The following VPS50 variants were observed in gnomAD, a reference collection of about 807,000 sequenced individuals.
The protein encoded by VPS50 is syndetin.
In VPS50, 70 loss-of-function variants were observed where a neutral mutation model predicts 139.7. The ratio of observed to expected loss-of-function variants is 0.50; its 90% confidence interval spans 0.41 to 0.61. The LOEUF is 0.61. Among genes scored for constraint, VPS50 ranks in the 20% least tolerant of loss-of-function variants. The probability of loss-of-function intolerance (pLI) is 0.00; values close to 1 mark genes in which losing one functional copy is unlikely to be tolerated. For synonymous variants in VPS50, 365 were observed against 376.7 expected (o/e 0.97, Z 0.36); for missense variants, 921 against 1,133.7 (o/e 0.81, Z 2.69).
chr7:93,249,977 C>G (rs1391886512), intron 2 of VPS50, among the ~76,000 whole-genome samples: 2 of 151,964 alleles, frequency 1.3e-5, no homozygotes, highest in Admixed American at 1.3e-4. Flanking sequence ...TAGATAAACC[C>G]CTTCAGGAAT....
intron 23 of VPS50, among the ~76,000 whole-genome samples, chr7:93,343,341 C>G (rs1241815869): frequency 2.0e-5 from 3 of 152,196 alleles, no homozygotes; most frequent in Admixed American, 6.5e-5. Flanking sequence ...TGTGAAAAGA[C>G]CAAATCTACG....
Position 93,334,006 on chromosome 7 carries a change from C to T in VPS50, c.1978-111C>T, listed in dbSNP as rs112417071. ...TTTGTAAATGCAATTTGGAAACCCT[C>T]TGAAGGCTAAGTATCTGAGTGAAAA... is the stretch of plus-strand genomic sequence containing the variant. On this transcript the variant is annotated intron_variant, in intron 21 of 27. Transcript: ENST00000305866. 39 of 719,578 alleles carry T rather than the reference C, an allele frequency of 5.4e-5. 1 individual carries two copies. The African/African-American group carries it at 6.3e-4, about 12-fold the overall frequency. The allele number at this position is 719,578 out of a possible 1,614,324, so 44.6% of individuals were successfully genotyped here.
rs1324057496 is a variant in VPS50 at position 93,291,754 on chromosome 7, C to G, written c.994C>G (p.Leu332Val). The change falls in exon 13 of 28, where the codon CTA becomes GTA. Residue 332 changes from leucine to valine, a missense_variant. By Grantham distance (32) the Leu-to-Val change is conservative. Around this residue, in one of 3 missense-constraint regions of VPS50, gnomAD observed 744 missense variants for 930.6 expected, o/e 0.80. Coordinates refer to ENST00000305866, the MANE Select transcript of VPS50 (RefSeq NM_017667.4). ...IPCLADLCKALWEVMLSYYRT... is the reference protein window; with the variant it reads ...IPCLADLCKAVWEVMLSYYRT... ...ATGCCTTGCAGACCTGTGCAAAGCA[C>G]TATGGGAAGTTATGCTCAGCTATTA... 1.9e-6 allele frequency: 3 copies of G among 1,600,082 alleles called. No homozygotes were observed. The highest frequency in any genetic ancestry group is 1.7e-6 in the Non-Finnish European group (2 of 1,168,772).
rs140728470 is a variant in VPS50 at position 93,327,896 on chromosome 7, A to C, written c.1977+4164A>C. Among the ~76,000 whole-genome samples the C allele has an allele frequency of 9.8e-3, 1,493 of 152,286 alleles. 29 individuals are homozygous for C. The highest frequency in any genetic ancestry group is 0.034 in the African/African-American group (1,408 of 41,544). On this transcript the variant is annotated intron_variant, in intron 21 of 27. Transcript: ENST00000305866. ...ATGTGGTGGTATCTGCTTTTCTGTCAGAAGAAAGGGACTTGTGTGAGAGAA... is the reference window on the plus strand; with the variant it reads ...ATGTGGTGGTATCTGCTTTTCTGTCCGAAGAAAGGGACTTGTGTGAGAGAA...
chr7:93,272,651 C>A lies in VPS50; in HGVS notation c.719C>A (p.Ala240Asp). The change falls in exon 11 of 28, where the codon GCT becomes GAT. Residue 240 changes from alanine (A) to aspartate (D), a missense_variant. Around this residue, in one of 3 missense-constraint regions of VPS50, gnomAD observed 744 missense variants for 930.6 expected, o/e 0.80. Transcript: ENST00000305866. Reference sequence around the variant, plus strand: ...ATTATATAGGAACAGCTGGACGTAGCTCTTTCCAAAATCTGCAAGAATTTT... The same window carrying A: ...ATTATATAGGAACAGCTGGACGTAGATCTTTCCAAAATCTGCAAGAATTTT... Reference protein sequence around the residue: ...LEQIEEQLDVALSKICKNFDI... With the variant: ...LEQIEEQLDVDLSKICKNFDI... 6.5e-7 allele frequency: 1 copy of A among 1,526,834 alleles called. No homozygotes were observed. Among genetic ancestry groups the A allele is most frequent in the South Asian group, 1.2e-5 (1 of 86,658 alleles). The allele number at this position is 1,526,834 out of a possible 1,614,324, so 94.6% of individuals were successfully genotyped here.
intron 2 of VPS50, among the ~76,000 whole-genome samples, chr7:93,241,974 C>A (rs896472155): frequency 6.6e-6 from 1 of 151,558 alleles, no homozygotes; most frequent in African/African-American, 2.4e-5. Flanking sequence ...AGCATTTTAA[C>A]AAAATGGAAA....
In VPS50 at chr7:93,276,396, G is replaced by T. The variant is rs372617339; in HGVS notation, c.942+91G>T. 5.6e-5 allele frequency: 77 copies of T among 1,373,434 alleles called. No homozygotes were observed. The African/African-American group carries it at 1.0e-3, about 18-fold the overall frequency. 85.1% of individuals were successfully genotyped at this position (1,373,434 alleles called of 1,614,324 possible). ...TCTTGGTACATACCTATTTGAAAATGCTACTAAAATAAAAATAAATCTTTG... is the reference window on the plus strand; with the variant it reads ...TCTTGGTACATACCTATTTGAAAATTCTACTAAAATAAAAATAAATCTTTG... On this transcript the variant is annotated intron_variant, in intron 12 of 27. Transcript: ENST00000305866.
At chr7:93,324,481 A>G (rs1173018534) in intron 21 of VPS50, among the ~76,000 whole-genome samples, 2 of 152,210 alleles carry the variant, frequency 1.3e-5, no homozygotes, top group African/African-American at 4.8e-5. Context: ...TAATTTATTG[A>G]GAGTTTTTAG....
chr7:93,322,787 A>G (rs1193654158), intron 20 of VPS50, among the ~76,000 whole-genome samples: 1 of 152,110 alleles, frequency 6.6e-6, no homozygotes, highest in East Asian at 1.9e-4. Flanking sequence ...TTCCCACAAA[A>G]AAGAGACAGA....
intron 12 of VPS50, among the ~76,000 whole-genome samples, chr7:93,290,849 ACAT>A (rs1322872908): frequency 6.6e-6 from 1 of 152,056 alleles, no homozygotes; most frequent in Non-Finnish European, 1.5e-5. Context: ...ACCAACTGTG[ACAT>A]CATGAGCATC....
intron 12 of VPS50, among the ~76,000 whole-genome samples, chr7:93,278,782 GAT>G (rs35394421): frequency 0.026 from 3,788 of 147,786 alleles, 80 homozygotes; most frequent in Non-Finnish European, 0.039. Context: ...GATAGTAGGT[GAT>G]ATATATATAT....
intron 18 of VPS50, among the ~76,000 whole-genome samples, chr7:93,307,379 A>C (rs1271349054): frequency 6.6e-6 from 1 of 151,920 alleles, no homozygotes; most frequent in African/African-American, 2.4e-5. Flanking sequence ...TAAACAGTTA[A>C]ATCACCAACA....
At chr7:93,310,218 C>T in intron 19 of VPS50, among the ~76,000 whole-genome samples, 1 of 151,858 alleles carries the variant, frequency 6.6e-6, no homozygotes, top group Non-Finnish European at 1.5e-5. Flanking sequence ...TTACTGGAGC[C>T]CCCTAAACTT....
intron 20 of VPS50, among the ~76,000 whole-genome samples, chr7:93,322,599 C>CAAAAAA (rs71528064): frequency 3.0e-5 from 2 of 66,150 alleles, no homozygotes; most frequent in African/African-American, 5.6e-5. Flanking sequence ...GACTCCGTCT[C>CAAAAAA]AAAAAAAAAA....
chr7:93,281,813 A>C lies in VPS50; in HGVS notation c.942+5508A>C, dbSNP rs76431629. On this transcript the variant is annotated intron_variant, in intron 12 of 27. Transcript: ENST00000305866. ...GAAAGTAAAAATTGCATATGTCTGC[A>C]TGCAAAGCTGGTTCTTTTAATGTGT... is the stretch of plus-strand genomic sequence containing the variant. Among the ~76,000 whole-genome samples, 958 of 152,360 alleles carry C rather than the reference A, an allele frequency of 6.3e-3. 11 individuals carry two copies. Among genetic ancestry groups the C allele is most frequent in the African/African-American group, 0.022 (930 of 41,586 alleles).
chr7:93,274,583 A>G (rs1796099308), intron 11 of VPS50, among the ~76,000 whole-genome samples: 1 of 152,150 alleles, frequency 6.6e-6, no homozygotes, highest in South Asian at 2.1e-4. Flanking sequence ...TCTATTGACA[A>G]TGTACCTAGT....
At chr7:93,343,376 C>T (rs1037489535) in intron 23 of VPS50, among the ~76,000 whole-genome samples, 6,845 of 151,960 alleles carry the variant, frequency 0.045, 203 homozygotes, top group Non-Finnish European at 0.069. Context: ...CTGAAAGTGA[C>T]GGGGAGAATG....
chr7:93,278,951 T>C (rs968674952), intron 12 of VPS50, among the ~76,000 whole-genome samples: 8 of 152,188 alleles, frequency 5.3e-5, no homozygotes, highest in Non-Finnish European at 8.8e-5. Flanking sequence ...TTATTCAAGC[T>C]GTGCTAAAAC....
At chr7:93,284,743 C>T (rs1584426695) in intron 12 of VPS50, among the ~76,000 whole-genome samples, 1 of 152,114 alleles carries the variant, frequency 6.6e-6, no homozygotes, top group Non-Finnish European at 1.5e-5. Flanking sequence ...TTTGCTTTAA[C>T]CCTTGGGGTT....
Sources: gnomAD v4.1 joint callset for allele counts (sites outside exome capture counted in the v4.1 genomes callset) on GRCh38, gnomAD v4.1.1 for gene constraint, gnomAD v4.1.1 regional missense constraint, MANE v1.5 for transcripts, NCBI Gene and HGNC (gene_info 2026-07-23, HGNC 2026-07-21) for gene names.